The following SLC39A13 variants were observed in gnomAD, a reference collection of about 807,000 sequenced individuals.
SLC39A13 encodes the protein solute carrier family 39 member 13.
Under a neutral mutation model 38.7 loss-of-function variants are expected in SLC39A13, and 18 were observed. That is an observed-to-expected ratio of 0.47 (90% confidence interval 0.32 to 0.69). SLC39A13 has a LOEUF of 0.69. Among genes scored for constraint, SLC39A13 ranks in the 30% least tolerant of loss-of-function variants. The pLI is 0.03. For synonymous variants in SLC39A13, 212 were observed against 219.1 expected (o/e 0.97, Z 0.29); for missense variants, 395 against 490.7 (o/e 0.80, Z 1.84).
chr11:47,408,524 T>C (rs1203823478), upstream of SLC39A13: 1 of 147,562 alleles, frequency 6.8e-6, no homozygotes, highest in African/African-American at 2.5e-5. Flanking sequence ...AGGCCCCTTG[T>C]GACGTGGCCG....
intron 6 of SLC39A13, 86 bp from the exon 7 acceptor site, chr11:47,414,339 C>A: frequency 6.8e-7 from 1 of 1,476,758 alleles, no homozygotes. Flanking sequence ...CAGCTCAGAG[C>A]AGAGTAAACC....
chr11:47,411,455 A>G (rs577754318), intron 2 of SLC39A13, among the ~76,000 whole-genome samples: 39 of 152,260 alleles, frequency 2.6e-4, no homozygotes, highest in Non-Finnish European at 3.8e-4. Context: ...AAATACAAAA[A>G]TTAGCCGGAT....
Position 47,410,149 on chromosome 11 carries a change from C to A in SLC39A13, c.55C>A (p.Leu19Ile). 2 of 1,613,342 alleles carry A rather than the reference C, an allele frequency of 1.2e-6. No individual in the cohort carries two copies. The highest frequency in any genetic ancestry group is 1.1e-5 in the South Asian group (1 of 91,090). Residue 19 changes from leucine (L) to isoleucine (I), a missense_variant, in exon 2 of 10, where the codon CTC becomes ATC. Leu to Ile is a conservative substitution (Grantham distance 5, BLOSUM62 2). Transcript: ENST00000362021. ...CGMAGPRLLF[L>I]TALALELLER... is the part of the protein sequence containing the mutation. Reference sequence around the variant, plus strand: ...CATGGCGGGCCCAAGGCTCCTCTTCCTCACTGCCCTTGCCCTGGAGCTCTT... The same window carrying A: ...CATGGCGGGCCCAAGGCTCCTCTTCATCACTGCCCTTGCCCTGGAGCTCTT...
At chr11:47,408,537 CGCCGGGGGCGGCCCCGGGCCGGGG>C (rs994010571), upstream of SLC39A13, 16 of 147,426 alleles carry the variant, frequency 1.1e-4, no homozygotes, top group South Asian at 4.1e-4. Flanking sequence ...CGTGGCCGCG[CGCCGGGGGCGGCCCCGGGCCGGGG>C]GCCGGGCGGC....
Position 47,412,022 on chromosome 11 carries a change from C to T in SLC39A13, c.398C>T (p.Thr133Met), listed in dbSNP as rs140574574. 5,034 of 1,611,382 alleles carry T rather than the reference C, an allele frequency of 3.1e-3. 20 individuals are homozygous for T. Among genetic ancestry groups the T allele is most frequent in the Non-Finnish European group, 3.7e-3 (4,404 of 1,179,012 alleles). ...LHLLPEAWAY[T>M]CSASPGGEGQ... ...CTGCTGCCCGAAGCCTGGGCCTACA[C>T]GTGCAGCGCCAGCCCTGGTAAGTGA... The change falls in exon 3 of 10, where the codon ACG (threonine) becomes ATG (methionine). Residue 133 changes from threonine (T) to methionine (M), a missense_variant. Thr to Met is a moderately conservative substitution (Grantham distance 81). Transcript: ENST00000362021.
intron 4 of SLC39A13, 130 bp downstream of exon 4, chr11:47,412,597 G>A: frequency 1.3e-6 from 2 of 1,518,428 alleles, no homozygotes; most frequent in Non-Finnish European, 1.8e-6. Context: ...GGAGCTGCGG[G>A]AGGTTGGGCC....
At position 47,414,061 on chromosome 11, in the gene SLC39A13, G is replaced by A. The variant is rs574168204; in HGVS notation, c.736-364G>A. The A allele has an allele frequency of 1.2e-4, 75 of 615,232 alleles. No homozygotes were observed. The East Asian group carries it at 1.6e-3, about 13-fold the overall frequency. 38.1% of individuals were successfully genotyped at this position (615,232 alleles called of 1,614,324 possible). On this transcript the variant is annotated intron_variant, in intron 6 of 9. Coordinates refer to ENST00000362021, the MANE Select transcript of SLC39A13 (RefSeq NM_001128225.3). ...TTCCCCCTGCCTGGAATGTTCTCCC[G>A]CCCACGCTTCGAGCGGCTGACGACT...
chr11:47,407,958 C>T (rs2095978034), upstream of SLC39A13, among the ~76,000 whole-genome samples: 1 of 152,236 alleles, frequency 6.6e-6, no homozygotes, highest in African/African-American at 2.4e-5. Flanking sequence ...GTCCAGCCAC[C>T]ATGCATTGGA....
At chr11:47,414,150 AT>A in intron 6 of SLC39A13, 1 of 607,286 alleles carries the variant, frequency 1.6e-6, no homozygotes, top group South Asian at 2.0e-5. Flanking sequence ...CCTCATCTAA[AT>A]TTGGTTCCTG....
chr11:47,412,514 G>A, intron 4 of SLC39A13, 47 bp downstream of exon 4: 2 of 1,612,798 alleles, frequency 1.2e-6, no homozygotes, highest in African/African-American at 1.3e-5. Context: ...TCTGTTCTGT[G>A]GTAGTGCCCG....
rs567978606 is a variant in SLC39A13 at position 47,409,678 on chromosome 11, A to G, written c.-8-409A>G. 4 of 221,348 alleles carry G rather than the reference A, an allele frequency of 1.8e-5. No individual in the cohort carries two copies. In the East Asian group the frequency reaches 4.7e-4, roughly 26 times the overall value. 13.7% of individuals were successfully genotyped at this position (221,348 alleles called of 1,614,324 possible). Reference sequence around the variant, plus strand: ...AGTTTCCCCACGTATGTCTCTCTGAATCCACCCCATCCCCTTAGAAGGGGT... The same window carrying G: ...AGTTTCCCCACGTATGTCTCTCTGAGTCCACCCCATCCCCTTAGAAGGGGT... On this transcript the variant is annotated intron_variant, in intron 1 of 9. Transcript: ENST00000362021.
chr11:47,413,777 C>G, intron 6 of SLC39A13, 91 bp downstream of exon 6: 2 of 1,375,060 alleles, frequency 1.5e-6, no homozygotes. Context: ...TCTTGCCCCT[C>G]CATTGCCAGC....
chr11:47,411,817 C>T, intron 2 of SLC39A13, 109 bp from the exon 3 acceptor site: 3 of 1,056,222 alleles, frequency 2.8e-6, no homozygotes, highest in Non-Finnish European at 2.8e-6. Flanking sequence ...AGCAGCCACC[C>T]ATATCCAGCC....
At chr11:47,407,971 C>T (rs2095978087), upstream of SLC39A13, among the ~76,000 whole-genome samples, 1 of 152,208 alleles carries the variant, frequency 6.6e-6, no homozygotes, top group Non-Finnish European at 1.5e-5. Context: ...GCATTGGACC[C>T]CAAAGGGTTA....
intron 2 of SLC39A13, among the ~76,000 whole-genome samples, chr11:47,410,642 A>T (rs1219878180): frequency 6.6e-6 from 1 of 152,108 alleles, no homozygotes; most frequent in African/African-American, 2.4e-5. Context: ...GGATGTGGGC[A>T]CGGGTGGGAG....
In SLC39A13 at chr11:47,408,641, TCGC is replaced by T. The variant is rs551004316; in HGVS notation, c.-14_-12del. The T allele has an allele frequency of 5.3e-5, 8 of 150,002 alleles. No homozygotes were observed. The highest frequency in any genetic ancestry group is 1.8e-4 in the South Asian group (1 of 5,460). 9.3% of individuals were successfully genotyped at this position (150,002 alleles called of 1,614,324 possible). ...AGCTGGATGGCTGGGGCCGCCCGGA[TCGC>T]CGCCGCCGCCGCCGCACGGTGAGTG... On this transcript the variant is annotated 5_prime_UTR_variant, in exon 1 of 10. Coordinates refer to ENST00000362021, the MANE Select transcript of SLC39A13 (RefSeq NM_001128225.3).
At chr11:47,412,102 C>T in intron 3 of SLC39A13, 63 bp downstream of exon 3, 1 of 1,511,802 alleles carries the variant, frequency 6.6e-7, no homozygotes, top group Non-Finnish European at 9.0e-7. Flanking sequence ...TGCCCACGCC[C>T]AGGGATGGCC....
In SLC39A13 at chr11:47,415,475, C is replaced by A; in HGVS notation, c.*112C>A. 8.1e-7 allele frequency: 1 copy of A among 1,236,648 alleles called. No homozygotes were observed. Among genetic ancestry groups the A allele is most frequent in the Non-Finnish European group, 1.2e-6 (1 of 852,060 alleles). 76.6% of individuals were successfully genotyped at this position (1,236,648 alleles called of 1,614,324 possible). A position where few individuals can be genotyped will look rare whatever the true frequency, so the allele number is the denominator to read the frequency against. ...GCGAGTGGCTGCGAGAGAGAATGAG[C>A]CTCCCGCCAGACAGGAGGGAGGTGC... On this transcript the variant is annotated 3_prime_UTR_variant, in exon 10 of 10. Coordinates refer to ENST00000362021, the MANE Select transcript of SLC39A13 (RefSeq NM_001128225.3).
chr11:47,407,963 A>G (rs2095978062), upstream of SLC39A13, among the ~76,000 whole-genome samples: 6 of 152,224 alleles, frequency 3.9e-5, no homozygotes, highest in Admixed American at 3.9e-4. Context: ...GCCACCATGC[A>G]TTGGACCCCA....
Sources: allele counts gnomAD v4.1 joint callset (sites outside exome capture counted in the v4.1 genomes callset), GRCh38; gene constraint gnomAD v4.1.1; transcripts MANE v1.5; gene names NCBI Gene and HGNC (gene_info 2026-07-23, HGNC 2026-07-21).